The following GDA variants were observed in gnomAD, a reference collection of about 807,000 sequenced individuals.
GDA encodes the protein guanine deaminase, also known as cytoplasmic PSD-95 interactor.
In GDA, 18 loss-of-function variants were observed where a neutral mutation model predicts 59.6. That is an observed-to-expected ratio of 0.30 (90% confidence interval 0.21 to 0.45). The LOEUF is 0.45. Ranked by LOEUF, GDA falls within the 20% of genes least tolerant of loss-of-function variation. The probability of loss-of-function intolerance (pLI) is 1.00; values close to 1 mark genes in which losing one functional copy is unlikely to be tolerated. For synonymous variants in GDA, 201 were observed against 201.1 expected, an observed-to-expected ratio of 1.00 and a Z score of 0.00; for missense variants, 427 against 552.3, an observed-to-expected ratio of 0.77 and a Z score of 2.27.
intron 1 of GDA, among the ~76,000 whole-genome samples, chr9:72,141,726 G>C (rs1036134957): frequency 6.6e-6 from 1 of 152,016 alleles, no homozygotes; most frequent in African/African-American, 2.4e-5. Flanking sequence ...TTAGATCCAC[G>C]GTCAGCTCAA....
chr9:72,228,271 G>C, intron 9 of GDA: 1 of 457,954 alleles, frequency 2.2e-6, no homozygotes, highest in South Asian at 2.8e-5. Flanking sequence ...AAATCTCTGA[G>C]TTTGTACAAA....
At chr9:72,153,402 C>T (rs1827473911) in intron 1 of GDA, among the ~76,000 whole-genome samples, 1 of 151,846 alleles carries the variant, frequency 6.6e-6, no homozygotes, top group South Asian at 2.1e-4. Context: ...CTAGTTCAAC[C>T]ATTGTGGAAG....
At chr9:72,258,735 C>T (rs998503183), downstream of GDA, among the ~76,000 whole-genome samples, 25 of 152,192 alleles carry the variant, frequency 1.6e-4, no homozygotes, top group Non-Finnish European at 2.6e-4. Context: ...GACAGAGGTC[C>T]TGTGACCTTT....
intron 9 of GDA, among the ~76,000 whole-genome samples, chr9:72,229,820 A>T (rs1223220604): frequency 6.6e-6 from 1 of 152,162 alleles, no homozygotes; most frequent in East Asian, 1.9e-4. Flanking sequence ...ATATTTCTGG[A>T]GTGCTTTAGG....
upstream of GDA, among the ~76,000 whole-genome samples, chr9:72,147,592 T>C (rs1287928989): frequency 2.6e-5 from 4 of 151,280 alleles, no homozygotes; most frequent in East Asian, 7.8e-4. Flanking sequence ...AGTAGATATA[T>C]TCTAGTTCAT....
chr9:72,155,416 G>C (rs975880441), intron 1 of GDA, among the ~76,000 whole-genome samples: 10 of 152,158 alleles, frequency 6.6e-5, no homozygotes, highest in Admixed American at 1.3e-4. Flanking sequence ...GATTTGGATG[G>C]AGGCACATCC....
At chr9:72,153,088 A>T (rs1730840882) in intron 1 of GDA, among the ~76,000 whole-genome samples, 1 of 152,154 alleles carries the variant, frequency 6.6e-6, no homozygotes, top group African/African-American at 2.4e-5. Flanking sequence ...TTTGTCAAAG[A>T]TCAGATAGTT....
At position 72,226,014 on chromosome 9, in the gene GDA, T is replaced by C. The variant is rs183507181; in HGVS notation, c.822+230T>C. The stretch of plus-strand genomic sequence containing the variant: ...GTGTGTGTGTGTGTGTGTGTGTGTG[T>C]GCGTGTGTGTGTGTGTGTGTAGTTA... On this transcript the variant is annotated intron_variant, in intron 8 of 13. Coordinates refer to ENST00000358399, the MANE Select transcript of GDA (RefSeq NM_004293.5). Among the ~76,000 whole-genome samples the C allele has an allele frequency of 2.3e-3, 326 of 144,688 alleles. 4 individuals are homozygous for C. Among genetic ancestry groups the C allele is most frequent in the Middle Eastern group, 0.011 (3 of 274 alleles). 94.9% of individuals were successfully genotyped at this position (144,688 alleles called of 152,430 possible). A position where few individuals can be genotyped will look rare whatever the true frequency, so the allele number is the denominator to read the frequency against.
intron 1 of GDA, among the ~76,000 whole-genome samples, chr9:72,116,382 C>T (rs1161955101): frequency 1.5e-5 from 2 of 134,180 alleles, no homozygotes; most frequent in African/African-American, 5.4e-5. Context: ...GAAGTTTCCC[C>T]AGCCTTTTTT....
Position 72,237,660 on chromosome 9 carries a change from C to G in GDA, c.989-3492C>G, listed in dbSNP as rs144048168. On this transcript the variant is annotated intron_variant, in intron 10 of 13. Transcript: ENST00000358399. ...TTTTCAACTGACTACATTCTCCCTT[C>G]TCTTAGACCCCTCCTGAAGGAACCC... 3.9e-5 allele frequency among the ~76,000 whole-genome samples: 6 copies of G among 152,322 alleles called. No homozygotes were observed. The East Asian group carries it at 1.2e-3, about 29-fold the overall frequency.
chr9:72,148,804 T>C (rs564857590), upstream of GDA, among the ~76,000 whole-genome samples: 1 of 152,324 alleles, frequency 6.6e-6, no homozygotes, highest in South Asian at 2.1e-4. Flanking sequence ...TGCTGCCTAT[T>C]TGACTTGAGA....
At chr9:72,128,535 T>G (rs1329775179) in intron 1 of GDA, among the ~76,000 whole-genome samples, 1 of 152,240 alleles carries the variant, frequency 6.6e-6, no homozygotes, top group African/African-American at 2.4e-5. Flanking sequence ...AGATAGATAC[T>G]ATTATTCACT....
chr9:72,184,039 A>G (rs1195426200), intron 1 of GDA, among the ~76,000 whole-genome samples: 2 of 152,294 alleles, frequency 1.3e-5, no homozygotes, highest in East Asian at 1.9e-4. Context: ...CTTTGCACTT[A>G]TCTTTTAAAA....
intron 1 of GDA, among the ~76,000 whole-genome samples, chr9:72,188,670 G>A (rs1168516582): frequency 1.3e-5 from 2 of 152,220 alleles, no homozygotes; most frequent in East Asian, 1.9e-4. Flanking sequence ...GCACAAAAAT[G>A]TGGGGTTGGG....
At chr9:72,211,188 C>T (rs893542669) in intron 4 of GDA, among the ~76,000 whole-genome samples, 4 of 152,128 alleles carry the variant, frequency 2.6e-5, no homozygotes, top group South Asian at 2.1e-4. Flanking sequence ...ATGCTGGAAA[C>T]GCAATGAGAT....
chr9:72,218,639 GC>G (rs1046541441), intron 5 of GDA, among the ~76,000 whole-genome samples: 20 of 152,154 alleles, frequency 1.3e-4, no homozygotes, highest in African/African-American at 4.8e-4. Flanking sequence ...CATTCCCCAT[GC>G]ACCTCACAAC....
In GDA at chr9:72,149,467, C is replaced by T; in HGVS notation, c.-93C>T. The T allele has an allele frequency of 1.4e-6, 2 of 1,478,056 alleles. No individual in the cohort carries two copies. The highest frequency in any genetic ancestry group is 1.8e-6 in the Non-Finnish European group (2 of 1,098,066). 91.6% of individuals were successfully genotyped at this position (1,478,056 alleles called of 1,614,324 possible). On this transcript the variant is annotated 5_prime_UTR_variant, in exon 1 of 14. Coordinates refer to ENST00000358399, the MANE Select transcript of GDA (RefSeq NM_004293.5). Reference sequence around the variant, plus strand: ...GACAAGGCCGGAGCCTGTGTCCGCCCGGCAGCCGCCCGCAGCTGCAGAGAG... The same window carrying T: ...GACAAGGCCGGAGCCTGTGTCCGCCTGGCAGCCGCCCGCAGCTGCAGAGAG...
intron 1 of GDA, among the ~76,000 whole-genome samples, chr9:72,164,455 G>A (rs1335683787): frequency 6.6e-6 from 1 of 152,114 alleles, no homozygotes; most frequent in East Asian, 1.9e-4. Context: ...CAGGGAGAGG[G>A]TGGCAATCAG....
At position 72,202,934 on chromosome 9, in the gene GDA, G is replaced by A. The variant is rs1457730688; in HGVS notation, c.384+192G>A. On this transcript the variant is annotated intron_variant, in intron 3 of 13. Transcript: ENST00000358399. The stretch of plus-strand genomic sequence containing the variant: ...CTACACAGCTAGTCAGTGGCAAAGA[G>A]AGAATTTGAATCCAAGTTTCCAAAA... 2.0e-5 allele frequency among the ~76,000 whole-genome samples: 3 copies of A among 152,244 alleles called. No homozygotes were observed. In the East Asian group the frequency reaches 5.8e-4, roughly 29 times the overall value.
Sources: gnomAD v4.1 joint callset for allele counts (sites outside exome capture counted in the v4.1 genomes callset) on GRCh38, gnomAD v4.1.1 for gene constraint, MANE v1.5 for transcripts, NCBI Gene and HGNC (gene_info 2026-07-23, HGNC 2026-07-21) for gene names.